CNTNAP5: variants seen among roughly 807,000 people sequenced by gnomAD.
CNTNAP5 encodes the protein contactin-associated protein-like 5.
Under a neutral mutation model 150.2 loss-of-function variants are expected in CNTNAP5, and 72 were observed. The observed-to-expected ratio is 0.48, with a 90% CI of 0.40 to 0.58. The LOEUF (loss-of-function observed/expected upper bound fraction) is 0.58, where lower values mean the gene tolerates loss of function less well. CNTNAP5 is among the 20% of genes least tolerant of loss of function. CNTNAP5 has a pLI of 0.00. For synonymous variants in CNTNAP5, 672 were observed against 619.8 expected, an observed-to-expected ratio of 1.08 and a Z score of -1.25; for missense variants, 1,636 against 1,626.2, an observed-to-expected ratio of 1.01 and a Z score of -0.10.
chr2:124,728,480 G>C (rs934180166), intron 13 of CNTNAP5, among the ~76,000 whole-genome samples: 2 of 152,038 alleles, frequency 1.3e-5, no homozygotes, highest in African/African-American at 4.8e-5. Flanking sequence ...GATCTGTTCA[G>C]ATTTATTGAT....
intron 11 of CNTNAP5, among the ~76,000 whole-genome samples, chr2:124,580,401 T>G (rs998198502): frequency 6.6e-6 from 1 of 152,212 alleles, no homozygotes; most frequent in African/African-American, 2.4e-5. Context: ...TCAAACCATG[T>G]TCAAATAAGG....
intron 19 of CNTNAP5, among the ~76,000 whole-genome samples, chr2:124,851,005 G>A (rs938554614): frequency 6.6e-6 from 1 of 152,176 alleles, no homozygotes; most frequent in Non-Finnish European, 1.5e-5. Flanking sequence ...AGAAAGTATA[G>A]ATAACGCCTT....
intron 13 of CNTNAP5, among the ~76,000 whole-genome samples, chr2:124,679,774 A>C (rs761571028): frequency 6.6e-6 from 1 of 151,756 alleles, no homozygotes; most frequent in African/African-American, 2.4e-5. Flanking sequence ...CATGTTGCCC[A>C]GGCTAGTCTC....
At chr2:124,454,869 C>G (rs975451230) in intron 6 of CNTNAP5, among the ~76,000 whole-genome samples, 1 of 152,012 alleles carries the variant, frequency 6.6e-6, no homozygotes, top group East Asian at 1.9e-4. Context: ...CACAACCTAT[C>G]AAAACCTCTG....
At chr2:124,505,070 T>C (rs1475447383) in intron 8 of CNTNAP5, among the ~76,000 whole-genome samples, 1 of 152,144 alleles carries the variant, frequency 6.6e-6, no homozygotes, top group Non-Finnish European at 1.5e-5. Context: ...ATGTCAACTT[T>C]GGTTAAGTGC....
chr2:124,380,210 A>C (rs1332937388), intron 3 of CNTNAP5, among the ~76,000 whole-genome samples: 1 of 152,176 alleles, frequency 6.6e-6, no homozygotes, highest in Admixed American at 6.5e-5. Context: ...TGTGGCAAGA[A>C]CCGCATTTTG....
At chr2:124,083,689 C>T (rs979156151) in intron 1 of CNTNAP5, among the ~76,000 whole-genome samples, 3 of 152,090 alleles carry the variant, frequency 2.0e-5, no homozygotes, top group Non-Finnish European at 2.9e-5. Flanking sequence ...ACCACGTTCA[C>T]AGTCTTGATT....
At chr2:124,691,078 A>G (rs1679291546) in intron 13 of CNTNAP5, among the ~76,000 whole-genome samples, 1 of 152,098 alleles carries the variant, frequency 6.6e-6, no homozygotes, top group Admixed American at 6.6e-5. Flanking sequence ...TCAACACAAT[A>G]TGAACAACTG....
intron 3 of CNTNAP5, among the ~76,000 whole-genome samples, chr2:124,271,866 C>T (rs1687769557): frequency 6.6e-6 from 1 of 151,966 alleles, no homozygotes; most frequent in African/African-American, 2.4e-5. Context: ...AGGAGCTCGC[C>T]ACCATTCCCA....
intron 3 of CNTNAP5, among the ~76,000 whole-genome samples, chr2:124,401,118 G>A (rs139691518): frequency 7.2e-5 from 11 of 152,204 alleles, no homozygotes; most frequent in South Asian, 2.1e-4. Context: ...CACCTGTCTC[G>A]TCCTGCCAAA....
At chr2:124,089,057 C>T (rs954804875) in intron 1 of CNTNAP5, among the ~76,000 whole-genome samples, 4 of 152,112 alleles carry the variant, frequency 2.6e-5, no homozygotes, top group Non-Finnish European at 5.9e-5. Context: ...ATTCTAGCTT[C>T]GTCAACTCAG....
At chr2:124,421,671 C>T (rs187919218) in intron 4 of CNTNAP5, among the ~76,000 whole-genome samples, 64 of 152,298 alleles carry the variant, frequency 4.2e-4, no homozygotes, top group African/African-American at 1.4e-3. Flanking sequence ...GGAATGAAAG[C>T]ATAGCATTCC....
chr2:124,676,263 A>G (rs1210927983), intron 13 of CNTNAP5, among the ~76,000 whole-genome samples: 1 of 152,200 alleles, frequency 6.6e-6, no homozygotes, highest in Non-Finnish European at 1.5e-5. Context: ...CTGCTTCTGC[A>G]AGTCCTTAAG....
At chr2:124,104,711 G>T (rs1207328720) in intron 1 of CNTNAP5, among the ~76,000 whole-genome samples, 1 of 152,040 alleles carries the variant, frequency 6.6e-6, no homozygotes, top group Non-Finnish European at 1.5e-5. Flanking sequence ...ACCATGAGTG[G>T]ACTCTGATGG....
intron 3 of CNTNAP5, among the ~76,000 whole-genome samples, chr2:124,334,166 G>A (rs1372187497): frequency 6.6e-6 from 1 of 152,136 alleles, no homozygotes; most frequent in African/African-American, 2.4e-5. Context: ...CTTAAGGGGT[G>A]TCTGGATTGC....
intron 21 of CNTNAP5, among the ~76,000 whole-genome samples, chr2:124,897,471 G>T (rs1678329251): frequency 6.6e-6 from 1 of 151,436 alleles, no homozygotes; most frequent in South Asian, 2.1e-4. Flanking sequence ...TGTATGTTTT[G>T]CAGAGCAGGT....
At chr2:124,373,336 T>C (rs1247847510) in intron 3 of CNTNAP5, among the ~76,000 whole-genome samples, 1 of 152,132 alleles carries the variant, frequency 6.6e-6, no homozygotes, top group Admixed American at 6.5e-5. Flanking sequence ...CCTGGCATAC[T>C]CATTCAAAAT....
At chr2:124,329,158 G>A (rs1040160757) in intron 3 of CNTNAP5, among the ~76,000 whole-genome samples, 13 of 152,136 alleles carry the variant, frequency 8.5e-5, no homozygotes, top group African/African-American at 2.4e-4. Flanking sequence ...GATAAAGTTC[G>A]TCTGAGCTCT....
At position 124,434,573 on chromosome 2, in the gene CNTNAP5, C is replaced by T. The variant is rs1389955494; in HGVS notation, c.619C>T (p.Leu207=). The change falls in exon 5 of 24, where the codon CTG becomes TTG. Residue 207 remains leucine, a synonymous_variant. Coordinates refer to ENST00000682447, the MANE Select transcript of CNTNAP5 (RefSeq NM_001367498.1). ...LMSTLKDVIS[L]KFKSMQGDGV... is the part of the protein sequence containing the mutation. ...GAGTACTCTCAAAGATGTGATCTCCCTGAAGTTCAAGAGCATGCAAGGAGA... is the reference window on the plus strand; with the variant it reads ...GAGTACTCTCAAAGATGTGATCTCCTTGAAGTTCAAGAGCATGCAAGGAGA... 1 of 1,613,930 alleles carries T rather than the reference C, an allele frequency of 6.2e-7. No homozygotes were observed. The highest frequency in any genetic ancestry group is 2.2e-5 in the East Asian group (1 of 44,880).
Sources: gnomAD v4.1 joint callset for allele counts (sites outside exome capture counted in the v4.1 genomes callset) on GRCh38, gnomAD v4.1.1 for gene constraint, MANE v1.5 for transcripts, NCBI Gene and HGNC (gene_info 2026-07-23, HGNC 2026-07-21) for gene names.